Variants in ENTPD1 observed in about 807,000 individuals in gnomAD.
ENTPD1 encodes the protein ATP diphosphohydrolase.
ENTPD1 carries 33 observed loss-of-function variants against 57.0 expected under a neutral mutation model. The ratio of observed to expected loss-of-function variants is 0.58; its 90% confidence interval spans 0.44 to 0.77. The LOEUF is 0.77. Among genes scored for constraint, ENTPD1 ranks in the 30% least tolerant of loss-of-function variants. The probability of loss-of-function intolerance (pLI) is 0.00; values close to 1 mark genes in which losing one functional copy is unlikely to be tolerated. For synonymous variants in ENTPD1, 202 were observed against 218.8 expected, an observed-to-expected ratio of 0.92 and a Z score of 0.68; for missense variants, 501 against 603.4, an observed-to-expected ratio of 0.83 and a Z score of 1.78.
At chr10:95,766,154 C>T (rs1228538163) in intron 1 of ENTPD1, among the ~76,000 whole-genome samples, 2 of 152,162 alleles carry the variant, frequency 1.3e-5, no homozygotes, top group Non-Finnish European at 2.9e-5. Flanking sequence ...ATCTCTCCCA[C>T]ACACAACAGT....
chr10:95,704,902 A>G, the ENTPD1 span, among the ~76,000 whole-genome samples: 6 of 151,670 alleles, frequency 4.0e-5, no homozygotes, highest in Admixed American at 3.9e-4. Flanking sequence ...ACACATACAC[A>G]CATATAAAAA....
Position 95,817,099 on chromosome 10 carries a change from C to G in ENTPD1, c.17-6138C>G, listed in dbSNP as rs2098332536. On this transcript the variant is annotated intron_variant, in intron 1 of 9. Transcript: ENST00000371205. ...CTCTGCTCTAGCTTGAACCATCCCCCAGAAGTCTGTGGAGTTTGACTAACT... is the reference window on the plus strand; with the variant it reads ...CTCTGCTCTAGCTTGAACCATCCCCGAGAAGTCTGTGGAGTTTGACTAACT... Among the ~76,000 whole-genome samples the G allele has an allele frequency of 2.0e-5, 3 of 152,170 alleles. No homozygotes were observed. In the South Asian group the frequency reaches 6.2e-4, roughly 32 times the overall value.
At chr10:95,712,995 C>A (rs1385831744) in intron 1 of ENTPD1, among the ~76,000 whole-genome samples, 1 of 150,268 alleles carries the variant, frequency 6.7e-6, no homozygotes. Flanking sequence ...GATTGCGCCG[C>A]TGCACTCCAG....
At chr10:95,773,471 C>A (rs2098122579) in intron 1 of ENTPD1, among the ~76,000 whole-genome samples, 1 of 152,030 alleles carries the variant, frequency 6.6e-6, no homozygotes, top group Non-Finnish European at 1.5e-5. Flanking sequence ...TTCAGTAAAC[C>A]TTACTGTAAA....
At chr10:95,817,534 GC>G (rs1205788952) in intron 1 of ENTPD1, among the ~76,000 whole-genome samples, 2 of 152,178 alleles carry the variant, frequency 1.3e-5, no homozygotes, top group Non-Finnish European at 2.9e-5. Flanking sequence ...ATAAGGCAAA[GC>G]CCTCACTAGT....
intron 2 of ENTPD1, among the ~76,000 whole-genome samples, chr10:95,834,346 G>A (rs2098404404): frequency 6.6e-6 from 1 of 151,968 alleles, no homozygotes; most frequent in Admixed American, 6.6e-5. Context: ...TACACCATGT[G>A]GCCAGTACCG....
At chr10:95,766,718 T>A (rs1383933063) in intron 1 of ENTPD1, among the ~76,000 whole-genome samples, 1 of 152,214 alleles carries the variant, frequency 6.6e-6, no homozygotes, top group African/African-American at 2.4e-5. Context: ...TGTAAACAGT[T>A]CACATTTATT....
intron 1 of ENTPD1, among the ~76,000 whole-genome samples, chr10:95,712,287 C>T (rs533764146): frequency 3.3e-4 from 50 of 152,300 alleles, no homozygotes; most frequent in African/African-American, 9.6e-4. Context: ...CATAAACTCT[C>T]TATTTGAGCT....
At chr10:95,703,615 C>T in the ENTPD1 span, among the ~76,000 whole-genome samples, 2 of 151,822 alleles carry the variant, frequency 1.3e-5, no homozygotes, top group South Asian at 4.1e-4. Context: ...AACGCTGTCT[C>T]TACTGAAAAT....
intron 1 of ENTPD1, among the ~76,000 whole-genome samples, chr10:95,781,238 G>T (rs1409818088): frequency 6.6e-6 from 1 of 152,100 alleles, no homozygotes; most frequent in Non-Finnish European, 1.5e-5. Flanking sequence ...TAGAAGGATG[G>T]TTACTAGAGG....
chr10:95,845,849 T>C, intron 6 of ENTPD1: 2 of 557,320 alleles, frequency 3.6e-6, no homozygotes, highest in Admixed American at 3.2e-5. Context: ...AAATAATTTC[T>C]CCCCCTCGTG....
the ENTPD1 span, among the ~76,000 whole-genome samples, chr10:95,704,231 G>A: frequency 6.6e-6 from 1 of 152,132 alleles, no homozygotes; most frequent in African/African-American, 2.4e-5. Flanking sequence ...CCAAATTCAT[G>A]TATAGATTCA....
At chr10:95,702,061 A>C in the ENTPD1 span, among the ~76,000 whole-genome samples, 1 of 152,076 alleles carries the variant, frequency 6.6e-6, no homozygotes, top group Non-Finnish European at 1.5e-5. Context: ...AAGATAATAG[A>C]GGAAATTAAA....
At chr10:95,722,111 A>G (rs1317582985) in intron 1 of ENTPD1, among the ~76,000 whole-genome samples, 1 of 152,092 alleles carries the variant, frequency 6.6e-6, no homozygotes, top group East Asian at 1.9e-4. Flanking sequence ...TTTTGATTCT[A>G]TAAGTGCTTT....
In ENTPD1 at chr10:95,867,502, A is replaced by G; in HGVS notation, c.*1119A>G. The stretch of plus-strand genomic sequence containing the variant: ...CCAAGGTTTAATTTAGTGAGAGGGC[A>G]GCATTAGTGTGGAGTGGCATGCTTT... On this transcript the variant is annotated 3_prime_UTR_variant, in exon 10 of 10. Transcript: ENST00000371205. 1 of 985,526 alleles carries G rather than the reference A, an allele frequency of 1.0e-6. No individual in the cohort carries two copies. Among genetic ancestry groups the G allele is most frequent in the East Asian group, 1.1e-4 (1 of 8,822 alleles). 61.0% of individuals were successfully genotyped at this position (985,526 alleles called of 1,614,324 possible). A position where few individuals can be genotyped will look rare whatever the true frequency, so the allele number is the denominator to read the frequency against.
chr10:95,722,880 G>T (rs992219699), intron 1 of ENTPD1, among the ~76,000 whole-genome samples: 1 of 152,248 alleles, frequency 6.6e-6, no homozygotes, highest in Non-Finnish European at 1.5e-5. Flanking sequence ...AGCCCCATAC[G>T]AGTAAGATTT....
Position 95,874,416 on chromosome 10 carries a change from GAGAT to G in ENTPD1, c.*8036_*8039del. 6.6e-6 allele frequency among the ~76,000 whole-genome samples: 1 copy of G among 152,356 alleles called. No individual in the cohort carries two copies. Among genetic ancestry groups the G allele is most frequent in the East Asian group, 1.9e-4 (1 of 5,184 alleles). ...TCACATTCAGGTCATGCTGATGCAA[GAGAT>G]AGGTTCCCATGGTCTTGTGCAGCTC... On this transcript the variant is annotated 3_prime_UTR_variant, in exon 10 of 10. Coordinates refer to ENST00000371205, the MANE Select transcript of ENTPD1 (RefSeq NM_001776.6).
intron 1 of ENTPD1, among the ~76,000 whole-genome samples, chr10:95,806,156 A>G (rs1301758171): frequency 6.6e-6 from 1 of 152,226 alleles, no homozygotes; most frequent in Non-Finnish European, 1.5e-5. Flanking sequence ...GTCTTTTCAC[A>G]TAGTCCCACA....
intron 7 of ENTPD1, among the ~76,000 whole-genome samples, chr10:95,850,894 T>A (rs372029280): frequency 6.6e-6 from 1 of 152,206 alleles, no homozygotes; most frequent in African/African-American, 2.4e-5. Flanking sequence ...AGAGAATTTG[T>A]TGGGGAGGGA....
Sources: allele counts gnomAD v4.1 joint callset (sites outside exome capture counted in the v4.1 genomes callset), GRCh38; gene constraint gnomAD v4.1.1; transcripts MANE v1.5; gene names NCBI Gene and HGNC (gene_info 2026-07-23, HGNC 2026-07-21).